Variants in HIPK3 observed in about 807,000 individuals in gnomAD.
HIPK3 encodes the protein homeodomain-interacting protein kinase 3.
A neutral mutation model predicts 124.2 loss-of-function variants in HIPK3; 47 were observed. That is an observed-to-expected ratio of 0.38 (90% CI 0.30 to 0.48). HIPK3 has a LOEUF of 0.48. HIPK3 is among the 20% of genes least tolerant of loss of function. HIPK3 has a pLI of 0.98. For synonymous variants in HIPK3, 482 were observed against 515.2 expected, an observed-to-expected ratio of 0.94 and a Z score of 0.87; for missense variants, 1,286 against 1,454.3, an observed-to-expected ratio of 0.88 and a Z score of 1.88.
rs946369297 is a variant in HIPK3 at position 33,341,572 on chromosome 11, A to G, written c.1783A>G (p.Thr595Ala). ...IGTLRSQALT[T>A]SAHSVVHHGI... ...GTGCTCGTTGTTTCAGGCATTGACC[A>G]CATCTGCTCATTCAGTTGTGCACCA... The change falls in exon 8 of 17, where the codon ACA becomes GCA. Residue 595 changes from threonine to alanine, a missense_variant. By Grantham distance (58) the Thr-to-Ala change is moderately conservative. Coordinates refer to ENST00000303296, the MANE Select transcript of HIPK3 (RefSeq NM_005734.5). The G allele has an allele frequency of 2.5e-6, 4 of 1,610,014 alleles. No homozygotes were observed. The African/African-American group carries it at 4.0e-5, about 16-fold the overall frequency.
intron 2 of HIPK3, among the ~76,000 whole-genome samples, chr11:33,300,239 G>A (rs1342242911): frequency 2.6e-5 from 4 of 150,950 alleles, no homozygotes; most frequent in African/African-American, 4.9e-5. Context: ...CCAGCTACTC[G>A]GAAGGCTGAG....
rs1295022486 is a variant in HIPK3 at position 33,351,657 on chromosome 11, C to G, written c.2857C>G (p.Pro953Ala). Reference sequence around the variant, plus strand: ...TAGTTGTGATACGGTGGATGGCTCTCCGACATCTGACTCTTCCGGGCATGA... The same window carrying G: ...TAGTTGTGATACGGTGGATGGCTCTGCGACATCTGACTCTTCCGGGCATGA... ...ESSCDTVDGS[P>A]TSDSSGHDSP... The change falls in exon 15 of 17, where the codon CCG (proline) becomes GCG (alanine). Residue 953 changes from proline (P) to alanine (A), a missense_variant. Around this residue, in one of 3 missense-constraint regions of HIPK3, gnomAD observed 810 missense variants for 864.9 expected, o/e 0.94. Coordinates refer to ENST00000303296, the MANE Select transcript of HIPK3 (RefSeq NM_005734.5). The G allele has an allele frequency of 6.2e-7, 1 of 1,614,084 alleles. No individual in the cohort carries two copies. The highest frequency in any genetic ancestry group is 1.3e-5 in the African/African-American group (1 of 74,934).
intron 1 of HIPK3, among the ~76,000 whole-genome samples, chr11:33,274,512 G>C (rs1019446390): frequency 6.6e-6 from 1 of 152,074 alleles, no homozygotes; most frequent in African/African-American, 2.4e-5. Context: ...AAGAATTTAA[G>C]TAAAAATTTT....
intron 8 of HIPK3, among the ~76,000 whole-genome samples, chr11:33,344,408 GT>G (rs375690605): frequency 7.2e-5 from 11 of 151,860 alleles, no homozygotes; most frequent in African/African-American, 2.7e-4. Context: ...AGAATAGCAG[GT>G]TTTTTTTCAG....
chr11:33,272,757 T>TCGCC (rs1422805772), intron 1 of HIPK3, among the ~76,000 whole-genome samples: 1 of 120,726 alleles, frequency 8.3e-6, no homozygotes, highest in African/African-American at 3.2e-5. Flanking sequence ...TTCCTCCTTC[T>TCGCC]CTCCCTCCCT....
chr11:33,266,387 G>A (rs897976626), intron 1 of HIPK3, among the ~76,000 whole-genome samples: 11 of 152,074 alleles, frequency 7.2e-5, no homozygotes, highest in African/African-American at 2.7e-4. Context: ...ATTCACTGCT[G>A]TTCTTGCAGT....
chr11:33,339,297 C>G, intron 5 of HIPK3, 53 bp from the exon 6 acceptor site: 1 of 1,381,938 alleles, frequency 7.2e-7, no homozygotes, highest in Non-Finnish European at 1.0e-6. Flanking sequence ...GGAATTTATA[C>G]TACTCTCTGT....
intron 3 of HIPK3, among the ~76,000 whole-genome samples, chr11:33,336,593 C>T (rs266477): frequency 0.014 from 2,100 of 152,240 alleles, 52 homozygotes; most frequent in African/African-American, 0.048. Context: ...CCCATTATTA[C>T]CTCCTGGCAT....
At chr11:33,263,932 A>G (rs144080659) in intron 1 of HIPK3, among the ~76,000 whole-genome samples, 12 of 152,314 alleles carry the variant, frequency 7.9e-5, no homozygotes, top group African/African-American at 2.9e-4. Flanking sequence ...AGACTATAGA[A>G]CATAATATTG....
chr11:33,261,429 A>G (rs1850825010), intron 1 of HIPK3, among the ~76,000 whole-genome samples: 1 of 151,800 alleles, frequency 6.6e-6, no homozygotes, highest in Admixed American at 6.6e-5. Flanking sequence ...ATGTGTTCTC[A>G]TCATTTAGCT....
chr11:33,348,876 AAAAC>A, intron 13 of HIPK3, 58 bp downstream of exon 13: 1 of 1,481,016 alleles, frequency 6.8e-7, no homozygotes, highest in Non-Finnish European at 9.2e-7. Context: ...GGTGTGCCGA[AAAAC>A]AACTTTCTGT....
chr11:33,332,177 AC>A (rs1853006757), intron 3 of HIPK3, among the ~76,000 whole-genome samples: 1 of 152,202 alleles, frequency 6.6e-6, no homozygotes. Flanking sequence ...ATGTCTTAAA[AC>A]CTTTCCAATG....
intron 8 of HIPK3, among the ~76,000 whole-genome samples, chr11:33,346,150 A>G (rs1853485869): frequency 6.6e-6 from 1 of 152,200 alleles, no homozygotes; most frequent in Non-Finnish European, 1.5e-5. Context: ...GGAATGTGAT[A>G]CTACTTTGCT....
chr11:33,269,609 AG>A (rs373102104), intron 1 of HIPK3, among the ~76,000 whole-genome samples: 1 of 151,762 alleles, frequency 6.6e-6, no homozygotes, highest in African/African-American at 2.4e-5. Context: ...CTTCAAGTCT[AG>A]GGTCCTCTGT....
chr11:33,260,226 G>GT (rs1850786718), intron 1 of HIPK3, among the ~76,000 whole-genome samples: 1 of 152,176 alleles, frequency 6.6e-6, no homozygotes, highest in Non-Finnish European at 1.5e-5. Flanking sequence ...GTAGGTTGCT[G>GT]TTGCAAGTAT....
chr11:33,274,416 T>C (rs1434681365), intron 1 of HIPK3, among the ~76,000 whole-genome samples: 1 of 152,214 alleles, frequency 6.6e-6, no homozygotes, highest in African/African-American at 2.4e-5. Context: ...CATTTGGCTT[T>C]CTATTAAGGG....
At chr11:33,351,204 A>G (rs1271803128) in intron 14 of HIPK3, among the ~76,000 whole-genome samples, 1 of 152,202 alleles carries the variant, frequency 6.6e-6, no homozygotes, top group Non-Finnish European at 1.5e-5. Flanking sequence ...GTTAGAATTT[A>G]ATTTGAAATA....
chr11:33,320,678 G>A (rs917979555), intron 2 of HIPK3, among the ~76,000 whole-genome samples: 1 of 152,204 alleles, frequency 6.6e-6, no homozygotes, highest in African/African-American at 2.4e-5. Flanking sequence ...ATTTGCTGAT[G>A]TGGGAAGTGA....
Position 33,287,162 on chromosome 11 carries a change from A to G in HIPK3, c.748A>G (p.Thr250Ala), listed in dbSNP as rs1343108509. 1 of 1,614,216 alleles carries G rather than the reference A, an allele frequency of 6.2e-7. No homozygotes were observed. The highest frequency in any genetic ancestry group is 8.5e-7 in the Non-Finnish European group (1 of 1,180,034). Residue 250 changes from threonine to alanine, a missense_variant, in exon 2 of 17, where the codon ACT (threonine) becomes GCT (alanine). By Grantham distance (58) the Thr-to-Ala change is moderately conservative. Coordinates refer to ENST00000303296, the MANE Select transcript of HIPK3 (RefSeq NM_005734.5). ...AGTGAGCATATTAGCAAGGCTCAGTACTGAAAATGCTGATGAATATAACTT... is the reference window on the plus strand; with the variant it reads ...AGTGAGCATATTAGCAAGGCTCAGTGCTGAAAATGCTGATGAATATAACTT... Reference protein sequence around the residue: ...IEVSILARLSTENADEYNFVR... With the variant: ...IEVSILARLSAENADEYNFVR...
Sources: gnomAD v4.1 joint callset for allele counts (sites outside exome capture counted in the v4.1 genomes callset) on GRCh38, gnomAD v4.1.1 for gene constraint, gnomAD v4.1.1 regional missense constraint, MANE v1.5 for transcripts, NCBI Gene and HGNC (gene_info 2026-07-23, HGNC 2026-07-21) for gene names.